CUL9: variants seen among roughly 807,000 people sequenced by gnomAD.
CUL9 encodes the protein cullin 9, also known as cullin-9.
CUL9 carries 79 observed loss-of-function variants against 272.6 expected under a neutral mutation model. That is an observed-to-expected ratio of 0.29 (90% CI 0.24 to 0.35). The LOEUF (loss-of-function observed/expected upper bound fraction) is 0.35, where lower values mean the gene tolerates loss of function less well. Among genes scored for constraint, CUL9 ranks in the 10% least tolerant of loss-of-function variants. The probability of loss-of-function intolerance (pLI) is 1.00; values close to 1 mark genes in which losing one functional copy is unlikely to be tolerated. For synonymous variants in CUL9, 1,186 were observed against 1,286.5 expected, an observed-to-expected ratio of 0.92 and a Z score of 1.67; for missense variants, 2,532 against 3,255.6, an observed-to-expected ratio of 0.78 and a Z score of 5.41.
rs562388105 is a variant in CUL9, at chr6:43,224,367, C to T, written c.7476C>T (p.Tyr2492=). ...DEELDNDSFS[Y]DESENLDQET... ...AGCTGGACAATGACAGCTTCTCCTA[C>T]GATGAGTCTGAGAACCTGGACCAAG... is the stretch of plus-strand genomic sequence containing the variant. The change falls in exon 41 of 41, where the codon TAC becomes TAT. Residue 2492 remains tyrosine (Y), a synonymous_variant. Transcript: ENST00000252050. This position sits in a 1 kb window ranked among gnomAD's most constrained non-coding sequence, Gnocchi z 4.2. 2.0e-5 allele frequency: 32 copies of T among 1,614,194 alleles called. No homozygotes were observed. In the South Asian group the frequency reaches 2.1e-4, roughly 11 times the overall value.
Position 43,206,526 on chromosome 6 carries a change from G to C in CUL9, c.5212+16G>C, listed in dbSNP as rs1257399066. On this transcript the variant is annotated intron_variant, in intron 26 of 40. Coordinates refer to ENST00000252050, the MANE Select transcript of CUL9 (RefSeq NM_015089.4). The surrounding 1 kb of genome is among the most constrained non-coding windows in gnomAD (Gnocchi z 4.8). ...TACAGCCAGAGTGAGGAACTAGGGA[G>C]AGGAAATTGGAGATCGGGGTGAGAT... 6.2e-7 allele frequency: 1 copy of C among 1,611,724 alleles called. No homozygotes were observed. The highest frequency in any genetic ancestry group is 1.1e-5 in the South Asian group (1 of 91,022).
rs1774467444 is a variant in CUL9, at chr6:43,200,893, C to G, written c.3647+59C>G. The stretch of plus-strand genomic sequence containing the variant: ...CCCCAGGATACTTCCCCAAAGCACC[C>G]AGATACACACAACCCCAGCTATAAC... On this transcript the variant is annotated intron_variant, in intron 16 of 40. Transcript: ENST00000252050. The surrounding 1 kb of genome is among the most constrained non-coding windows in gnomAD (Gnocchi z 4.0). 1 of 1,597,708 alleles carries G rather than the reference C, an allele frequency of 6.3e-7. No individual in the cohort carries two copies. The highest frequency in any genetic ancestry group is 1.3e-5 in the African/African-American group (1 of 74,808).
rs1344405773 is a variant in CUL9, at chr6:43,220,644, A to G, written c.6423+45A>G. The G allele has an allele frequency of 6.2e-7, 1 of 1,610,474 alleles. No individual in the cohort carries two copies. The highest frequency in any genetic ancestry group is 1.1e-5 in the South Asian group (1 of 90,692). On this transcript the variant is annotated intron_variant, in intron 32 of 40. Coordinates refer to ENST00000252050, the MANE Select transcript of CUL9 (RefSeq NM_015089.4). This position sits in a 1 kb window ranked among gnomAD's most constrained non-coding sequence, Gnocchi z 4.9. ...AGAGGCTCCAGTGCAGAGCCAAAGGAGTGTGCCCCAGGGAGTGGGCTGAGC... is the reference window on the plus strand; with the variant it reads ...AGAGGCTCCAGTGCAGAGCCAAAGGGGTGTGCCCCAGGGAGTGGGCTGAGC...
rs773350240 is a variant in CUL9 at position 43,204,342 on chromosome 6, T to A, written c.4160-18T>A. 1 of 1,612,784 alleles carries A rather than the reference T, an allele frequency of 6.2e-7. No individual in the cohort carries two copies. The highest frequency in any genetic ancestry group is 1.7e-5 in the Admixed American group (1 of 60,014). On this transcript the variant is annotated intron_variant, in intron 20 of 40. Coordinates refer to ENST00000252050, the MANE Select transcript of CUL9 (RefSeq NM_015089.4). The stretch of plus-strand genomic sequence containing the variant: ...CCCATCTCCCATGGAGACCTGTTCC[T>A]GACCTGTCTTCTTTCAGATGCGGAA...
At position 43,220,488 on chromosome 6, in the gene CUL9, G is replaced by C; in HGVS notation, c.6312G>C (p.Arg2104=). The C allele has an allele frequency of 6.2e-7, 1 of 1,614,120 alleles. No homozygotes were observed. Among genetic ancestry groups the C allele is most frequent in the South Asian group, 1.1e-5 (1 of 91,076 alleles). The change falls in exon 32 of 41, where the codon CGG becomes CGC. Residue 2104 remains arginine, a synonymous_variant. Coordinates refer to ENST00000252050, the MANE Select transcript of CUL9 (RefSeq NM_015089.4). The surrounding 1 kb of genome is among the most constrained non-coding windows in gnomAD (Gnocchi z 4.9). The part of the protein sequence containing the change: ...KSCWNEYLTT[R]IEQNLVLNCT... Reference sequence around the variant, plus strand: ...GCTGGAATGAGTACCTGACAACTCGGATCGAGCAGAACCTTGTTTTGAATT... The same window carrying C: ...GCTGGAATGAGTACCTGACAACTCGCATCGAGCAGAACCTTGTTTTGAATT...
Position 43,204,843 on chromosome 6 carries a change from G to A in CUL9, c.4435G>A (p.Val1479Met), listed in dbSNP as rs80345623. The A allele has an allele frequency of 2.5e-4, 404 of 1,614,248 alleles. 1 individual carries two copies. In the East Asian group the frequency reaches 8.2e-3, roughly 33 times the overall value. Residue 1479 changes from valine to methionine, a missense_variant, in exon 22 of 41, where the codon GTG becomes ATG. Physicochemically the swap from Val to Met is conservative, Grantham distance 21. Around this residue, in one of 3 missense-constraint regions of CUL9, gnomAD observed 2,218 missense variants for 2,788.6 expected, o/e 0.80. Transcript: ENST00000252050. ...LRNITQCWLS[V>M]VQEQVSRFLA... ...GAACATAACCCAGTGCTGGCTGAGC[G>A]TGGTGCAGGAGCAGGTGGGCAGAAG...
chr6:43,207,991 A>T (rs530802506), intron 26 of CUL9, among the ~76,000 whole-genome samples: 1 of 152,200 alleles, frequency 6.6e-6, no homozygotes, highest in Admixed American at 6.5e-5. Context: ...TAAAACCGCT[A>T]ATCATACTGG....
chr6:43,197,522 C>T (rs932489143), intron 11 of CUL9, among the ~76,000 whole-genome samples: 20 of 151,420 alleles, frequency 1.3e-4, no homozygotes, highest in Admixed American at 6.6e-4. Context: ...CTCACTCTGT[C>T]GCCCAGGCTG....
Position 43,196,234 on chromosome 6 carries a change from G to T in CUL9, c.2554G>T (p.Ala852Ser). 1 of 1,614,010 alleles carries T rather than the reference G, an allele frequency of 6.2e-7. No homozygotes were observed. The highest frequency in any genetic ancestry group is 1.1e-5 in the South Asian group (1 of 91,072). The change falls in exon 10 of 41, where the codon GCA becomes TCA. Residue 852 changes from alanine (A) to serine (S), a missense_variant. Around this residue, in one of 3 missense-constraint regions of CUL9, gnomAD observed 2,218 missense variants for 2,788.6 expected, o/e 0.80. Coordinates refer to ENST00000252050, the MANE Select transcript of CUL9 (RefSeq NM_015089.4). ...GSESLLLTVP[A>S]AVILMLNTEG... ...TGAGAGCCTGCTCCTCACTGTCCCT[G>T]CAGCCGTGATCCTGATGCTGAATAC...
In CUL9 at chr6:43,206,356, ATT is replaced by A; in HGVS notation, c.5060_5061del (p.Phe1687TyrfsTer39). The A allele has an allele frequency of 6.2e-7, 1 of 1,614,102 alleles. No individual in the cohort carries two copies. On this transcript the variant is annotated frameshift_variant, in exon 26 of 41. Transcript: ENST00000252050. LOFTEE classifies it high-confidence loss of function. This position sits in a 1 kb window ranked among gnomAD's most constrained non-coding sequence, Gnocchi z 4.8. The part of the protein sequence containing the change: ...EEEEEAEKEL[F>X]IEDPSPAISI... ...AGGAAGAGGAAGCTGAGAAAGAATT[ATT>A]TATCGAAGATCCAAGTCCAGCCATT...
At chr6:43,192,970 T>C (rs1463982706) in intron 8 of CUL9, 31 bp from the exon 9 acceptor site, 3 of 1,606,470 alleles carry the variant, frequency 1.9e-6, no homozygotes, top group East Asian at 4.5e-5. Context: ...CTCCTTGGGA[T>C]GGGGAGCCCC....
In CUL9 at chr6:43,216,308, T is replaced by A. The variant is rs749802330; in HGVS notation, c.6087T>A (p.Ala2029=). Residue 2029 remains alanine (A), a synonymous_variant, in exon 31 of 41, where the codon GCT becomes GCA. Transcript: ENST00000252050. ...CAGATGTCGCTCAGCACCTTTTGGC[T>A]CATTCCCACTGGGGCGCTGAACAGC... ...LEPDVAQHLL[A]HSHWGAEQLL... 1 of 1,613,978 alleles carries A rather than the reference T, an allele frequency of 6.2e-7. No individual in the cohort carries two copies. Among genetic ancestry groups the A allele is most frequent in the Non-Finnish European group, 8.5e-7 (1 of 1,179,998 alleles).
At chr6:43,212,277 G>C (rs2079749678) in intron 26 of CUL9, among the ~76,000 whole-genome samples, 1 of 152,204 alleles carries the variant, frequency 6.6e-6, no homozygotes, top group South Asian at 2.1e-4. Context: ...GGATTTCAGT[G>C]TGTCAGTCTT....
Position 43,220,551 on chromosome 6 carries a change from C to G in CUL9, c.6375C>G (p.Thr2125=), listed in dbSNP as rs567707987. 13 of 1,614,144 alleles carry G rather than the reference C, an allele frequency of 8.1e-6. 1 individual carries two copies. In the South Asian group the frequency reaches 1.3e-4, roughly 16 times the overall value. The change falls in exon 32 of 41, where the codon ACC becomes ACG. Residue 2125 remains threonine (T), a synonymous_variant. Coordinates refer to ENST00000252050, the MANE Select transcript of CUL9 (RefSeq NM_015089.4). The surrounding 1 kb of genome is among the most constrained non-coding windows in gnomAD (Gnocchi z 4.9). ...CPIADCPAQP[T]GAFIRAIVSS... is the part of the protein sequence containing the mutation. ...TTGCCGACTGCCCCGCCCAGCCCAC[C>G]GGAGCCTTCATTCGTGCCATCGTCT...
chr6:43,215,429 C>T, intron 30 of CUL9, 103 bp downstream of exon 30: 1 of 1,443,894 alleles, frequency 6.9e-7, no homozygotes, highest in Non-Finnish European at 9.2e-7. Flanking sequence ...TTGTCTGATC[C>T]CCTTTTCCCT....
rs1775039294 is a variant in CUL9, at chr6:43,206,297, C to T, written c.5023-24C>T. The T allele has an allele frequency of 6.2e-7, 1 of 1,613,142 alleles. No homozygotes were observed. Among genetic ancestry groups the T allele is most frequent in the Non-Finnish European group, 8.5e-7 (1 of 1,179,378 alleles). On this transcript the variant is annotated intron_variant, in intron 25 of 40. Coordinates refer to ENST00000252050, the MANE Select transcript of CUL9 (RefSeq NM_015089.4). The surrounding 1 kb of genome is among the most constrained non-coding windows in gnomAD (Gnocchi z 4.8). ...AGACCAAGGAAGGGAGCCCAAGGGCCCTTGAAATCCTTCTGTCCCTCAGGA... is the reference window on the plus strand; with the variant it reads ...AGACCAAGGAAGGGAGCCCAAGGGCTCTTGAAATCCTTCTGTCCCTCAGGA...
chr6:43,224,431 G>A lies in CUL9; in HGVS notation c.7540G>A (p.Glu2514Lys). The A allele has an allele frequency of 2.5e-6, 4 of 1,613,836 alleles. No homozygotes were observed. The South Asian group carries it at 3.3e-5, about 13-fold the overall frequency. The change falls in exon 41 of 41, where the codon GAG becomes AAG. Residue 2514 changes from glutamate (E) to lysine (K), a missense_variant. This residue lies in a region of CUL9 where 237 missense variants were observed against 305.9 expected (regional missense o/e 0.77). Transcript: ENST00000252050. The surrounding 1 kb of genome is among the most constrained non-coding windows in gnomAD (Gnocchi z 4.2). Reference protein sequence around the residue: ...FFGDEEEDEDEAYD With the variant: ...FFGDEEEDEDKAYD ...TGGTGATGAGGAAGAGGATGAAGAT[G>A]AGGCCTATGACTGAGGGGGCAGATG...
chr6:43,187,733 A>AGGT lies in CUL9; in HGVS notation c.1604_1606dup (p.Gly535dup), dbSNP rs777053764. 2 of 1,612,904 alleles carry AGGT rather than the reference A, an allele frequency of 1.2e-6. No homozygotes were observed. The highest frequency in any genetic ancestry group is 3.3e-5 in the Admixed American group (2 of 60,004). On this transcript the variant is annotated inframe_insertion, in exon 7 of 41. Coordinates refer to ENST00000252050, the MANE Select transcript of CUL9 (RefSeq NM_015089.4). ...GACAGACCCTGGGTGAAAAGGCCCT[A>AGGT]GGTGAGATCTCTGTGTCCGTGGAAA...
At position 43,213,177 on chromosome 6, in the gene CUL9, A is replaced by C. The variant is rs1295647999; in HGVS notation, c.5241A>C (p.Gly1747=). ...QSQNHPVLDM[G]PHRRLQWTWL... ...AGAACCATCCAGTCCTGGACATGGGACCACATCGGCGACTGCAGTGGACGT... is the reference window on the plus strand; with the variant it reads ...AGAACCATCCAGTCCTGGACATGGGCCCACATCGGCGACTGCAGTGGACGT... The change falls in exon 27 of 41, where the codon GGA becomes GGC. Residue 1747 remains glycine, a synonymous_variant. Transcript: ENST00000252050. The surrounding 1 kb of genome is among the most constrained non-coding windows in gnomAD (Gnocchi z 5.7). The C allele has an allele frequency of 1.2e-6, 2 of 1,614,102 alleles. No homozygotes were observed. The highest frequency in any genetic ancestry group is 1.7e-6 in the Non-Finnish European group (2 of 1,180,012).
Sources: allele counts gnomAD v4.1 joint callset (sites outside exome capture counted in the v4.1 genomes callset), GRCh38; gene constraint gnomAD v4.1.1; regional missense constraint gnomAD v4.1.1; non-coding constraint Gnocchi (gnomAD v3.1); transcripts MANE v1.5; gene names NCBI Gene and HGNC (gene_info 2026-07-23, HGNC 2026-07-21).